ZC3H3: variants seen among roughly 807,000 people sequenced by gnomAD.
ZC3H3 encodes the protein zinc finger CCCH-type containing 3, also known as zinc finger CCCH domain-containing protein 3.
In ZC3H3, 36 loss-of-function variants were observed where a neutral mutation model predicts 77.3. That is an observed-to-expected ratio of 0.47 (90% confidence interval 0.36 to 0.61). The LOEUF (loss-of-function observed/expected upper bound fraction) is 0.61, where lower values mean the gene tolerates loss of function less well. Among genes scored for constraint, ZC3H3 ranks in the 20% least tolerant of loss-of-function variants. The pLI, the probability that ZC3H3 is intolerant of heterozygous loss-of-function variation, is 0.00. For synonymous variants in ZC3H3, 626 were observed against 555.2 expected, an observed-to-expected ratio of 1.13 and a Z score of -1.79; for missense variants, 1,331 against 1,312.2, an observed-to-expected ratio of 1.01 and a Z score of -0.22.
intron 4 of ZC3H3, among the ~76,000 whole-genome samples, chr8:143,502,913 G>A (rs181572476): frequency 9.8e-5 from 15 of 152,344 alleles, no homozygotes; most frequent in South Asian, 6.2e-4. Context: ...CCTGGGGCCC[G>A]GGGGAGGGCT....
At chr8:143,489,871 G>A (rs191702522) in intron 4 of ZC3H3, among the ~76,000 whole-genome samples, 65 of 152,310 alleles carry the variant, frequency 4.3e-4, no homozygotes, top group African/African-American at 1.5e-3. Context: ...TCTGGGGAGT[G>A]GACGGGGCAG....
At chr8:143,506,162 C>T (rs1271870185) in intron 4 of ZC3H3, among the ~76,000 whole-genome samples, 1 of 152,226 alleles carries the variant, frequency 6.6e-6, no homozygotes, top group Non-Finnish European at 1.5e-5. Context: ...CCAGACCAGC[C>T]GGACCCAAAC....
chr8:143,484,431 C>T (rs1820994419), intron 4 of ZC3H3: 1 of 153,566 alleles, frequency 6.5e-6, no homozygotes. Context: ...ATTGGTATTT[C>T]GATCAATGGA....
chr8:143,491,806 A>G (rs1182888754), intron 4 of ZC3H3, among the ~76,000 whole-genome samples: 2 of 152,168 alleles, frequency 1.3e-5, no homozygotes, highest in South Asian at 2.1e-4. Flanking sequence ...CTAGAGAAGG[A>G]GCAGAACAGG....
At chr8:143,470,616 C>T (rs1563845185) in intron 5 of ZC3H3, among the ~76,000 whole-genome samples, 2 of 152,226 alleles carry the variant, frequency 1.3e-5, no homozygotes, top group African/African-American at 2.4e-5. Context: ...GACACTGCGA[C>T]GCCATCTGCT....
In ZC3H3 at chr8:143,473,362, C is replaced by A. The variant is rs569149538; in HGVS notation, c.1903+2036G>T. 1.2e-4 allele frequency among the ~76,000 whole-genome samples: 18 copies of A among 152,314 alleles called. No homozygotes were observed. The South Asian group carries it at 1.7e-3, about 14-fold the overall frequency. On this transcript the variant is annotated intron_variant, in intron 5 of 11. Transcript: ENST00000262577. ...AGCTCATGAGAAAGGCCTCCCTGAC[C>A]ACCTGACTGGACACGAGTCTGCGTA...
rs759152755 is a variant in ZC3H3, at chr8:143,468,574, G to T, written c.1947-34C>A. 1.1e-5 allele frequency: 17 copies of T among 1,593,794 alleles called. No individual in the cohort carries two copies. The East Asian group carries it at 3.4e-4, about 32-fold the overall frequency. On this transcript the variant is annotated intron_variant, in intron 6 of 11. Coordinates refer to ENST00000262577, the MANE Select transcript of ZC3H3 (RefSeq NM_015117.3). ...GGGGAGAGAGGTGCGTGAGCCTGAGGGCGAGCAGGGAGCCCACCCACTGCC... is the reference window on the plus strand; with the variant it reads ...GGGGAGAGAGGTGCGTGAGCCTGAGTGCGAGCAGGGAGCCCACCCACTGCC...
At chr8:143,464,912 C>T (rs1444926058) in intron 9 of ZC3H3, among the ~76,000 whole-genome samples, 3 of 152,226 alleles carry the variant, frequency 2.0e-5, no homozygotes, top group East Asian at 1.9e-4. Flanking sequence ...GAGAAACAGG[C>T]GTGAGAGGCT....
At chr8:143,531,776 G>A (rs1822616254) in intron 3 of ZC3H3, among the ~76,000 whole-genome samples, 1 of 152,198 alleles carries the variant, frequency 6.6e-6, no homozygotes, top group African/African-American at 2.4e-5. Flanking sequence ...CTCTGTTCTT[G>A]GTGATCATTA....
Position 143,507,870 on chromosome 8 carries a change from G to A in ZC3H3, c.1591C>T (p.Pro531Ser), listed in dbSNP as rs772602646. The change falls in exon 4 of 12, where the codon CCC becomes TCC. Residue 531 changes from proline to serine, a missense_variant. By Grantham distance (74) the Pro-to-Ser change is moderately conservative (BLOSUM62 -1). Around this residue, in one of 3 missense-constraint regions of ZC3H3, gnomAD observed 978 missense variants for 915.5 expected, o/e 1.07. Coordinates refer to ENST00000262577, the MANE Select transcript of ZC3H3 (RefSeq NM_015117.3). ...CGGGTCTTGATCACCTTGCTGGTGG[G>A]TGCAGTCCGCACGGCATGCAGGCTG... ...ASSLHAVRTAPTSKVIKTRYR... is the reference protein window; with the variant it reads ...ASSLHAVRTASTSKVIKTRYR... 3 of 1,607,538 alleles carry A rather than the reference G, an allele frequency of 1.9e-6. No homozygotes were observed. Among genetic ancestry groups the A allele is most frequent in the Non-Finnish European group, 2.5e-6 (3 of 1,176,618 alleles).
At chr8:143,517,858 C>A (rs893616195) in intron 3 of ZC3H3, among the ~76,000 whole-genome samples, 3 of 152,216 alleles carry the variant, frequency 2.0e-5, no homozygotes, top group African/African-American at 7.2e-5. Flanking sequence ...GCTCCCTGCC[C>A]CACCTGCACA....
At position 143,440,077 on chromosome 8, in the gene ZC3H3, C is replaced by A. The variant is rs115456950; in HGVS notation, c.2779G>T (p.Val927Phe). 1.4e-3 allele frequency: 2,188 copies of A among 1,592,104 alleles called. 46 individuals are homozygous for A. The African/African-American group carries it at 0.027, about 20-fold the overall frequency. Residue 927 changes from valine to phenylalanine, a missense_variant, in exon 11 of 12, where the codon GTC (valine) becomes TTC (phenylalanine). By Grantham distance (50) the Val-to-Phe change is conservative (BLOSUM62 -1). Coordinates refer to ENST00000262577, the MANE Select transcript of ZC3H3 (RefSeq NM_015117.3). Reference sequence around the variant, plus strand: ...GTGAGGGGGGCCCTAGGGGCCCGGACCCTGGGCTGGGCTCCTGGGCTCGGC... The same window carrying A: ...GTGAGGGGGGCCCTAGGGGCCCGGAACCTGGGCTGGGCTCCTGGGCTCGGC... Reference protein sequence around the residue: ...SSPSPGAQPRVRAPRAPLTKD... With the variant: ...SSPSPGAQPRFRAPRAPLTKD...
chr8:143,513,263 AC>A (rs1232538636), intron 3 of ZC3H3, among the ~76,000 whole-genome samples: 1 of 151,222 alleles, frequency 6.6e-6, no homozygotes, highest in Non-Finnish European at 1.5e-5. Context: ...GGCCCCTCAC[AC>A]CCCCACCCCT....
chr8:143,498,238 G>A (rs1229960000), intron 4 of ZC3H3, among the ~76,000 whole-genome samples: 1 of 152,166 alleles, frequency 6.6e-6, no homozygotes, highest in Admixed American at 6.5e-5. Context: ...TAGACTCAAG[G>A]CTCCTACCCA....
intron 4 of ZC3H3, 131 bp downstream of exon 4, chr8:143,507,615 G>T: frequency 8.9e-7 from 1 of 1,118,744 alleles, no homozygotes; most frequent in Non-Finnish European, 1.2e-6. Flanking sequence ...CCCAGCCAAC[G>T]AGCCCAACAC....
At chr8:143,461,399 G>A (rs1201614028) in intron 9 of ZC3H3, among the ~76,000 whole-genome samples, 5 of 152,114 alleles carry the variant, frequency 3.3e-5, no homozygotes, top group Non-Finnish European at 5.9e-5. Flanking sequence ...GCTCGCTGCC[G>A]GCAGGAGTGT....
chr8:143,515,273 G>A (rs1026727334), intron 3 of ZC3H3, among the ~76,000 whole-genome samples: 13 of 152,228 alleles, frequency 8.5e-5, no homozygotes, highest in Admixed American at 6.5e-5. Context: ...AGCCTGTGGC[G>A]CATACGCACT....
intron 3 of ZC3H3, among the ~76,000 whole-genome samples, chr8:143,521,278 T>G (rs958703778): frequency 6.6e-6 from 1 of 152,084 alleles, no homozygotes; most frequent in Admixed American, 6.5e-5. Flanking sequence ...CACACCAAGA[T>G]CCAGGCCGTG....
intron 4 of ZC3H3, among the ~76,000 whole-genome samples, chr8:143,480,683 G>A (rs1180746652): frequency 6.6e-6 from 1 of 152,240 alleles, no homozygotes; most frequent in Non-Finnish European, 1.5e-5. Flanking sequence ...CTCCTCGGGT[G>A]AGTCCAGCCC....
Sources: allele counts gnomAD v4.1 joint callset (sites outside exome capture counted in the v4.1 genomes callset), GRCh38; gene constraint gnomAD v4.1.1; regional missense constraint gnomAD v4.1.1; transcripts MANE v1.5; gene names NCBI Gene and HGNC (gene_info 2026-07-23, HGNC 2026-07-21).